Variants in PRR5L observed in about 807,000 individuals in gnomAD.
PRR5L encodes proline rich 5 like.
In PRR5L, 21 loss-of-function variants were observed where a neutral mutation model predicts 36.4. The ratio of observed to expected loss-of-function variants is 0.58; its 90% confidence interval spans 0.41 to 0.83. The LOEUF (loss-of-function observed/expected upper bound fraction) is 0.83, where lower values mean the gene tolerates loss of function less well. PRR5L is among the 40% of genes least tolerant of loss of function. The pLI, the probability that PRR5L is intolerant of heterozygous loss-of-function variation, is 0.00. For synonymous variants in PRR5L, 188 were observed against 197.0 expected, an observed-to-expected ratio of 0.95 and a Z score of 0.38; for missense variants, 381 against 473.3, an observed-to-expected ratio of 0.80 and a Z score of 1.81.
intron 1 of PRR5L, among the ~76,000 whole-genome samples, chr11:36,307,320 C>A (rs1020356502): frequency 6.6e-6 from 1 of 152,274 alleles, no homozygotes; most frequent in Admixed American, 6.5e-5. Context: ...GCAGCTTACT[C>A]AAAGGCAGAC....
At chr11:36,381,887 G>A (rs1024097777) in intron 1 of PRR5L, among the ~76,000 whole-genome samples, 8 of 151,814 alleles carry the variant, frequency 5.3e-5, no homozygotes, top group African/African-American at 2.4e-5. Context: ...AGCCGGGCGC[G>A]GTGGCTCACA....
chr11:36,420,729 A>G lies in PRR5L; in HGVS notation c.294+1426A>G, dbSNP rs1042812841. ...TTTTAAGACAGTTTAAAGAGATTTT[A>G]GGTTTTGAAAACAGTACAGGCATCC... On this transcript the variant is annotated intron_variant, in intron 4 of 8. Coordinates refer to ENST00000530639, the MANE Select transcript of PRR5L (RefSeq NM_001160167.2). 3.9e-5 allele frequency among the ~76,000 whole-genome samples: 6 copies of G among 152,128 alleles called. No individual in the cohort carries two copies. In the East Asian group the frequency reaches 9.6e-4, roughly 24 times the overall value.
At position 36,317,135 on chromosome 11, in the gene PRR5L, C is replaced by T. The variant is rs1171598557; in HGVS notation, c.-126+20697C>T. 2.0e-5 allele frequency among the ~76,000 whole-genome samples: 3 copies of T among 152,188 alleles called. No individual in the cohort carries two copies. The East Asian group carries it at 5.8e-4, about 29-fold the overall frequency. On this transcript the variant is annotated intron_variant, in intron 1 of 8. Coordinates refer to ENST00000530639, the MANE Select transcript of PRR5L (RefSeq NM_001160167.2). ...TCTGGGTTGATGAATGAAATAAGGC[C>T]ATGGGAAGTCGGAGCACAGGGAAGC... is the stretch of plus-strand genomic sequence containing the variant.
At chr11:36,386,742 A>G (rs558180281) in intron 1 of PRR5L, among the ~76,000 whole-genome samples, 5 of 152,318 alleles carry the variant, frequency 3.3e-5, no homozygotes, top group African/African-American at 1.2e-4. Flanking sequence ...GTGAATCCCT[A>G]TGCTTCGGTT....
chr11:36,432,160 TTTGTTTTGTTTTTG>T (rs1858512046), intron 5 of PRR5L, among the ~76,000 whole-genome samples: 1 of 27,116 alleles, frequency 3.7e-5, no homozygotes, highest in African/African-American at 8.8e-5. Flanking sequence ...AGGGTTTTTT[TTTGTTTTGTTTTTG>T]TTTTTGTTTT....
At chr11:36,351,674 C>CTTATATAT (rs1386385193) in intron 1 of PRR5L, among the ~76,000 whole-genome samples, 5,040 of 22,870 alleles carry the variant, frequency 0.22, 1,718 homozygotes, top group Admixed American at 0.28. Flanking sequence ...TATTTATATA[C>CTTATATAT]TTATATATTT....
At chr11:36,337,361 C>T (rs2133477204) in intron 1 of PRR5L, among the ~76,000 whole-genome samples, 1 of 152,258 alleles carries the variant, frequency 6.6e-6, no homozygotes, top group East Asian at 1.9e-4. Context: ...GCAAAAGGTG[C>T]CATCTATGAA....
chr11:36,458,152 G>A (rs138377610), intron 8 of PRR5L, among the ~76,000 whole-genome samples: 99 of 152,298 alleles, frequency 6.5e-4, no homozygotes, highest in African/African-American at 2.1e-3. Context: ...AAAGAGGGGC[G>A]CCAGTGTCAG....
At chr11:36,397,473 T>TGA (rs1489885285) in intron 1 of PRR5L, among the ~76,000 whole-genome samples, 4 of 99,164 alleles carry the variant, frequency 4.0e-5, no homozygotes, top group Admixed American at 3.5e-4. Context: ...TTTTTTTTTT[T>TGA]GAGAGAGAAG....
In PRR5L at chr11:36,350,938, TTATATA is replaced by T. The variant is rs1239078415; in HGVS notation, c.-125-50051_-125-50046del. The stretch of plus-strand genomic sequence containing the variant: ...TATATATTTATATATATTTATATAT[TTATATA>T]TATATATTTATATATATTTATATAT... On this transcript the variant is annotated intron_variant, in intron 1 of 8. Transcript: ENST00000530639. Among the ~76,000 whole-genome samples the T allele has an allele frequency of 1.7e-3, 48 of 28,374 alleles. 4 individuals carry two copies. The highest frequency in any genetic ancestry group is 0.01 in the East Asian group (7 of 690). 18.6% of individuals were successfully genotyped at this position (28,374 alleles called of 152,430 possible). A position where few individuals can be genotyped will look rare whatever the true frequency, so the allele number is the denominator to read the frequency against.
chr11:36,330,576 G>A (rs1196649129), intron 1 of PRR5L, among the ~76,000 whole-genome samples: 6 of 152,154 alleles, frequency 3.9e-5, no homozygotes, highest in Non-Finnish European at 7.4e-5. Context: ...GTTGCTGATT[G>A]TAAAATCATT....
At chr11:36,405,809 G>A (rs6484849) in intron 3 of PRR5L, among the ~76,000 whole-genome samples, 33,775 of 152,064 alleles carry the variant, frequency 0.22, 5,211 homozygotes, top group African/African-American at 0.44. Flanking sequence ...CCCTCTTCCC[G>A]ACTGGAAGAT....
chr11:36,349,489 C>T (rs1856905222), intron 1 of PRR5L, among the ~76,000 whole-genome samples: 1 of 152,030 alleles, frequency 6.6e-6, no homozygotes, highest in South Asian at 2.1e-4. Context: ...AGGTTTCCTG[C>T]AGGGAAGTCC....
rs376638289 is a variant in PRR5L, at chr11:36,450,407, A to G, written c.586-802A>G. Among the ~76,000 whole-genome samples the G allele has an allele frequency of 1.2e-4, 19 of 152,258 alleles. No individual in the cohort carries two copies. The East Asian group carries it at 3.3e-3, about 26-fold the overall frequency. ...CTTTGCAGCCCCTCAACATGACAGC[A>G]TGTTTGAGTCCTTTCCAGCAAGAAG... On this transcript the variant is annotated intron_variant, in intron 7 of 8. Transcript: ENST00000530639.
At chr11:36,427,981 G>A (rs1370607156) in intron 4 of PRR5L, among the ~76,000 whole-genome samples, 1 of 152,198 alleles carries the variant, frequency 6.6e-6, no homozygotes, top group Admixed American at 6.5e-5. Flanking sequence ...GAGAGTGGGC[G>A]AGAGGTCCCC....
chr11:36,339,228 G>T (rs1237120661), intron 1 of PRR5L, among the ~76,000 whole-genome samples: 1 of 152,156 alleles, frequency 6.6e-6, no homozygotes, highest in African/African-American at 2.4e-5. Context: ...TGAGTAGTTG[G>T]GATTACAGGC....
At chr11:36,409,336 C>G (rs538025086) in intron 3 of PRR5L, among the ~76,000 whole-genome samples, 1 of 152,234 alleles carries the variant, frequency 6.6e-6, no homozygotes, top group African/African-American at 2.4e-5. Flanking sequence ...CGGCCTGAGA[C>G]AGGAAACGCA....
At chr11:36,323,010 A>G (rs1186278593) in intron 1 of PRR5L, among the ~76,000 whole-genome samples, 1 of 152,206 alleles carries the variant, frequency 6.6e-6, no homozygotes, top group East Asian at 1.9e-4. Context: ...ATTCTTCTCT[A>G]GAGCATATCC....
intron 6 of PRR5L, among the ~76,000 whole-genome samples, chr11:36,443,546 A>G (rs774710760): frequency 7.9e-5 from 12 of 152,234 alleles, no homozygotes; most frequent in Non-Finnish European, 1.6e-4. Flanking sequence ...CTAGAAAATA[A>G]TAAAACTTGC....
Sources: gnomAD v4.1 joint callset for allele counts (sites outside exome capture counted in the v4.1 genomes callset) on GRCh38, gnomAD v4.1.1 for gene constraint, MANE v1.5 for transcripts, NCBI Gene and HGNC (gene_info 2026-07-23, HGNC 2026-07-21) for gene names.